EXO1: variants seen among roughly 807,000 people sequenced by gnomAD.
EXO1 encodes the protein exonuclease 1.
A neutral mutation model predicts 84.5 loss-of-function variants in EXO1; 69 were observed. The ratio of observed to expected loss-of-function variants is 0.82; its 90% CI spans 0.67 to 1.00. EXO1 has a LOEUF of 1.00. Among genes scored for constraint, EXO1 ranks in the 50% least tolerant of loss-of-function variants. EXO1 has a pLI of 0.00. For missense variants in EXO1, 1,045 were observed against 1,000.7 expected (o/e 1.04, Z -0.60); for synonymous variants, 373 against 366.1 (o/e 1.02, Z -0.21).
At chr1:241,886,198 A>G (rs1168332931) in intron 15 of EXO1, among the ~76,000 whole-genome samples, 5 of 152,234 alleles carry the variant, frequency 3.3e-5, no homozygotes, top group Middle Eastern at 3.2e-3. Context: ...GCAATATCGT[A>G]CTTCTCTAAT....
intron 12 of EXO1, among the ~76,000 whole-genome samples, chr1:241,876,240 AAGTC>A (rs1352949874): frequency 6.6e-6 from 1 of 152,224 alleles, no homozygotes; most frequent in East Asian, 1.9e-4. Context: ...TATCAGGAGT[AAGTC>A]AGTCTTTGAT....
Position 241,867,004 on chromosome 1 carries a change from A to G in EXO1, c.1216A>G (p.Lys406Glu), listed in dbSNP as rs369864583. The G allele has an allele frequency of 3.7e-6, 6 of 1,613,986 alleles. No homozygotes were observed. The African/African-American group carries it at 6.7e-5, about 18-fold the overall frequency. Residue 406 changes from lysine to glutamate, a missense_variant, in exon 11 of 16, where the codon AAA becomes GAA. Transcript: ENST00000366548. ...GGGAGTGGAACGAGTGATTAGTACTAAAGGGTTAAATCTCCCAAGGAAATC... is the reference window on the plus strand; with the variant it reads ...GGGAGTGGAACGAGTGATTAGTACTGAAGGGTTAAATCTCCCAAGGAAATC... ...TVGVERVIST[K>E]GLNLPRKSSI...
chr1:241,887,574 A>G (rs1188833820), intron 15 of EXO1, among the ~76,000 whole-genome samples: 4 of 152,218 alleles, frequency 2.6e-5, no homozygotes, highest in Non-Finnish European at 2.9e-5. Context: ...ATCATTAGCA[A>G]CAAATACTCT....
chr1:241,866,569 T>TC (rs1661743188), intron 10 of EXO1, among the ~76,000 whole-genome samples: 1 of 150,370 alleles, frequency 6.7e-6, no homozygotes, highest in South Asian at 2.1e-4. Flanking sequence ...TTGATTTTTT[T>TC]TTTTTTTTTT....
At chr1:241,865,063 T>C (rs924798625) in intron 10 of EXO1, among the ~76,000 whole-genome samples, 1 of 149,378 alleles carries the variant, frequency 6.7e-6, no homozygotes, top group Non-Finnish European at 1.5e-5. Flanking sequence ...GGGGGGGGGG[T>C]CTCACTATGT....
chr1:241,873,789 A>G (rs1466349165), intron 12 of EXO1, among the ~76,000 whole-genome samples: 3 of 152,158 alleles, frequency 2.0e-5, no homozygotes, highest in Non-Finnish European at 2.9e-5. Context: ...TGCTGGGGCA[A>G]TGGTTGGAAA....
At chr1:241,870,842 T>G (rs1662044294) in intron 11 of EXO1, among the ~76,000 whole-genome samples, 1 of 152,242 alleles carries the variant, frequency 6.6e-6, no homozygotes. Flanking sequence ...AATGTTTAAC[T>G]GAATCAGAGC....
chr1:241,872,054 G>C lies in EXO1; in HGVS notation c.1290G>C (p.Leu430=), dbSNP rs1215330494. 14 of 1,612,940 alleles carry C rather than the reference G, an allele frequency of 8.7e-6. No homozygotes were observed. Among genetic ancestry groups the C allele is most frequent in the Non-Finnish European group, 1.2e-5 (14 of 1,179,210 alleles). The stretch of plus-strand genomic sequence containing the variant: ...TAGCAGAGCTGTCAGAAGATGACCT[G>C]TTGAGTCAGTATTCTCTTTCATTTA... ...PRSAELSEDD[L]LSQYSLSFTK... is the part of the protein sequence containing the mutation. Residue 430 remains leucine (L), a synonymous_variant, in exon 12 of 16, where the codon CTG becomes CTC. Coordinates refer to ENST00000366548, the MANE Select transcript of EXO1 (RefSeq NM_130398.4).
intron 11 of EXO1, among the ~76,000 whole-genome samples, chr1:241,867,303 A>C (rs4149949): frequency 1.3e-3 from 195 of 152,302 alleles, no homozygotes; most frequent in Middle Eastern, 0.01. Context: ...GGTGAAAGGC[A>C]CTTCTCACAT....
intron 15 of EXO1, among the ~76,000 whole-genome samples, chr1:241,886,196 G>A (rs568004679): frequency 2.4e-4 from 37 of 152,262 alleles, no homozygotes; most frequent in Middle Eastern, 6.8e-3. Flanking sequence ...GTGCAATATC[G>A]TACTTCTCTA....
intron 14 of EXO1, among the ~76,000 whole-genome samples, chr1:241,884,770 G>C (rs1662957905): frequency 6.6e-6 from 1 of 152,140 alleles, no homozygotes; most frequent in South Asian, 2.1e-4. Context: ...TTTGCTCTCT[G>C]TTCCTTTACA....
chr1:241,875,116 G>C (rs1299398586), intron 12 of EXO1, among the ~76,000 whole-genome samples: 3 of 152,134 alleles, frequency 2.0e-5, no homozygotes, highest in African/African-American at 7.2e-5. Flanking sequence ...TGATTCTCCT[G>C]CCTCAGCCTC....
chr1:241,878,209 C>G (rs1302534231), intron 12 of EXO1, among the ~76,000 whole-genome samples: 1 of 152,104 alleles, frequency 6.6e-6, no homozygotes, highest in Non-Finnish European at 1.5e-5. Context: ...TTTAGAAAGT[C>G]CTCTCTAGGC....
chr1:241,854,145 T>C (rs1660822974), intron 6 of EXO1, among the ~76,000 whole-genome samples: 1 of 152,130 alleles, frequency 6.6e-6, no homozygotes, highest in Non-Finnish European at 1.5e-5. Flanking sequence ...TTTGTTCGTT[T>C]GTTTGTTTTG....
At chr1:241,882,929 G>A (rs1021456211) in intron 14 of EXO1, among the ~76,000 whole-genome samples, 2 of 152,086 alleles carry the variant, frequency 1.3e-5, no homozygotes, top group South Asian at 4.1e-4. Flanking sequence ...ACCAGTAAGT[G>A]CATTCTAGAA....
At chr1:241,879,979 C>G (rs1045334433) in intron 13 of EXO1, among the ~76,000 whole-genome samples, 2 of 150,508 alleles carry the variant, frequency 1.3e-5, no homozygotes, top group Non-Finnish European at 2.9e-5. Context: ...TGTACTCCAG[C>G]CTGGGGGACA....
intron 12 of EXO1, among the ~76,000 whole-genome samples, chr1:241,876,970 A>G (rs1662439697): frequency 6.6e-6 from 1 of 152,248 alleles, no homozygotes; most frequent in Non-Finnish European, 1.5e-5. Flanking sequence ...TGTGAAGGTA[A>G]ATAGAAACTG....
chr1:241,888,723 T>A (rs2148555324), intron 15 of EXO1, among the ~76,000 whole-genome samples: 1 of 152,316 alleles, frequency 6.6e-6, no homozygotes. Context: ...GGATTAATTT[T>A]TATAGATAGC....
At chr1:241,860,049 A>G (rs539401842) in intron 8 of EXO1, among the ~76,000 whole-genome samples, 34 of 152,318 alleles carry the variant, frequency 2.2e-4, no homozygotes, top group Admixed American at 5.9e-4. Context: ...TTTTTCATCT[A>G]TGAATTTACT....
Sources: gnomAD v4.1 joint callset for allele counts (sites outside exome capture counted in the v4.1 genomes callset) on GRCh38, gnomAD v4.1.1 for gene constraint, MANE v1.5 for transcripts, NCBI Gene and HGNC (gene_info 2026-07-23, HGNC 2026-07-21) for gene names.